WDFY4: variants seen among roughly 807,000 people sequenced by gnomAD.
The protein encoded by WDFY4 is WD repeat- and FYVE domain-containing protein 4.
In WDFY4, 169 loss-of-function variants were observed where a neutral mutation model predicts 351.9. That is an observed-to-expected ratio of 0.48 (90% CI 0.42 to 0.55). The LOEUF is 0.55. Ranked by LOEUF, WDFY4 falls within the 20% of genes least tolerant of loss-of-function variation. WDFY4 has a pLI of 0.00. For missense variants in WDFY4, 3,803 were observed against 3,935.6 expected (o/e 0.97, Z 0.90); for synonymous variants, 1,622 against 1,574.6 (o/e 1.03, Z -0.71).
At chr10:48,908,472 G>A (rs1452595702) in intron 47 of WDFY4, among the ~76,000 whole-genome samples, 1 of 152,224 alleles carries the variant, frequency 6.6e-6, no homozygotes, top group Non-Finnish European at 1.5e-5. Flanking sequence ...CTGAGCCGAG[G>A]TTAAGGTGCC....
At chr10:48,841,618 T>C in intron 39 of WDFY4, among the ~76,000 whole-genome samples, 1 of 152,206 alleles carries the variant, frequency 6.6e-6, no homozygotes, top group Admixed American at 6.5e-5. Flanking sequence ...CAGCCATCCT[T>C]AGTTGTAAGC....
intron 39 of WDFY4, among the ~76,000 whole-genome samples, chr10:48,855,360 T>A (rs1016651132): frequency 5.3e-5 from 8 of 152,132 alleles, no homozygotes; most frequent in African/African-American, 1.9e-4. Flanking sequence ...TAGTATCTAA[T>A]ATCATAAATT....
At chr10:48,977,662 T>C (rs1435544090) in intron 59 of WDFY4, among the ~76,000 whole-genome samples, 1 of 152,168 alleles carries the variant, frequency 6.6e-6, no homozygotes, top group African/African-American at 2.4e-5. Flanking sequence ...AGTATATTAC[T>C]CTCCTGGGCC....
chr10:48,849,507 C>T (rs1053578142), intron 39 of WDFY4, among the ~76,000 whole-genome samples: 5 of 152,190 alleles, frequency 3.3e-5, no homozygotes, highest in African/African-American at 1.2e-4. Flanking sequence ...TTTAATACAA[C>T]GAGCTGTTGA....
Position 48,873,617 on chromosome 10 carries a change from T to C in WDFY4, c.6868T>C (p.Trp2290Arg), listed in dbSNP as rs771218683. Residue 2290 changes from tryptophan (W) to arginine (R), a missense_variant, in exon 41 of 62, where the codon TGG (tryptophan) becomes CGG (arginine). This residue lies in a region of WDFY4 where 3,054 missense variants were observed against 3,148.6 expected (regional missense o/e 0.97). Coordinates refer to ENST00000325239, the MANE Select transcript of WDFY4 (RefSeq NM_001394531.1). ...GCCCTGTTCCCCATGGGAACTCGAC[T>C]GGAGAGAAGGACCAGCTCGAATGAG... The part of the protein sequence containing the change: ...TKPCSPWELD[W>R]REGPARMRKR... 17 of 1,551,792 alleles carry C rather than the reference T, an allele frequency of 1.1e-5. No homozygotes were observed. Among genetic ancestry groups the C allele is most frequent in the Non-Finnish European group, 1.4e-5 (16 of 1,146,996 alleles).
chr10:48,872,140 G>A (rs1400187059), intron 40 of WDFY4, among the ~76,000 whole-genome samples: 6 of 152,164 alleles, frequency 3.9e-5, no homozygotes, highest in African/African-American at 1.4e-4. Flanking sequence ...CCACCCCAAA[G>A]CCATGCTTTC....
intron 39 of WDFY4, among the ~76,000 whole-genome samples, chr10:48,846,216 G>A (rs1467682867): frequency 6.6e-6 from 1 of 152,146 alleles, no homozygotes; most frequent in Non-Finnish European, 1.5e-5. Flanking sequence ...TTCCCACATG[G>A]CATCTTTGCT....
At chr10:48,956,669 G>A (rs2075497465) in intron 51 of WDFY4, among the ~76,000 whole-genome samples, 1 of 152,070 alleles carries the variant, frequency 6.6e-6, no homozygotes, top group Non-Finnish European at 1.5e-5. Flanking sequence ...CACATAGAAG[G>A]TTCACCCACT....
chr10:48,904,736 A>T (rs1837529828), intron 47 of WDFY4, among the ~76,000 whole-genome samples: 1 of 152,192 alleles, frequency 6.6e-6, no homozygotes, highest in South Asian at 2.1e-4. Flanking sequence ...CATTTTCCCC[A>T]GTTAGGTTAA....
At chr10:48,771,961 A>C (rs2065878688) in intron 13 of WDFY4, among the ~76,000 whole-genome samples, 1 of 152,228 alleles carries the variant, frequency 6.6e-6, no homozygotes, top group Non-Finnish European at 1.5e-5. Context: ...GAGATTATTC[A>C]GGTAGTGCAT....
At chr10:48,823,897 C>A in intron 35 of WDFY4, 2 of 985,784 alleles carry the variant, frequency 2.0e-6, no homozygotes, top group Non-Finnish European at 2.4e-6. Context: ...AGAAATGAAT[C>A]CCAAACCCCA....
chr10:48,974,532 A>AAAAAAAAAAAAAAAT (rs1842479595), intron 57 of WDFY4, among the ~76,000 whole-genome samples: 1 of 36,588 alleles, frequency 2.7e-5, no homozygotes, highest in Non-Finnish European at 1.3e-4. Flanking sequence ...AAAAAAAACA[A>AAAAAAAAAAAAAAAT]CTCATGACAT....
chr10:48,749,105 G>A (rs771674761), intron 12 of WDFY4, among the ~76,000 whole-genome samples: 2 of 152,174 alleles, frequency 1.3e-5, no homozygotes, highest in Non-Finnish European at 2.9e-5. Flanking sequence ...GCATGTGTGC[G>A]CCAGACACCA....
chr10:48,941,175 G>C (rs1000864461), intron 47 of WDFY4, among the ~76,000 whole-genome samples: 2 of 152,166 alleles, frequency 1.3e-5, no homozygotes, highest in Non-Finnish European at 2.9e-5. Context: ...AGATGAATGC[G>C]AAAGGGCAGT....
At chr10:48,902,998 T>C (rs563876378) in intron 47 of WDFY4, among the ~76,000 whole-genome samples, 14 of 152,092 alleles carry the variant, frequency 9.2e-5, no homozygotes, top group African/African-American at 3.4e-4. Context: ...TAATCCCAGC[T>C]ACTTGGGAGG....
At chr10:48,902,909 A>C (rs934868788) in intron 47 of WDFY4, among the ~76,000 whole-genome samples, 10 of 152,100 alleles carry the variant, frequency 6.6e-5, no homozygotes, top group African/African-American at 2.2e-4. Context: ...CAGGAGTTCA[A>C]GACCAGCCTG....
intron 52 of WDFY4, among the ~76,000 whole-genome samples, chr10:48,957,696 C>T (rs75837121): frequency 0.04 from 6,118 of 152,286 alleles, 393 homozygotes; most frequent in African/African-American, 0.14. Flanking sequence ...AAGGGCAGGA[C>T]CCAGAGATGC....
chr10:48,786,864 G>A lies in WDFY4; in HGVS notation c.3802G>A (p.Val1268Ile). The change falls in exon 20 of 62, where the codon GTC (valine) becomes ATC (isoleucine). Residue 1268 changes from valine to isoleucine, a missense_variant. Around this residue, in one of 3 missense-constraint regions of WDFY4, gnomAD observed 3,054 missense variants for 3,148.6 expected, o/e 0.97. Coordinates refer to ENST00000325239, the MANE Select transcript of WDFY4 (RefSeq NM_001394531.1). ...RYCGNFQAVH[V>I]QGEDLDSEAT... is the part of the protein sequence containing the mutation. ...TTGTGGTAACTTCCAAGCTGTGCAT[G>A]TCCAAGGTATGGAGTGTTTTGATTT... is the stretch of plus-strand genomic sequence containing the variant. 3 of 1,551,684 alleles carry A rather than the reference G, an allele frequency of 1.9e-6. No individual in the cohort carries two copies. Among genetic ancestry groups the A allele is most frequent in the South Asian group, 2.4e-5 (2 of 84,052 alleles).
At chr10:48,794,614 G>C (rs1033537536) in intron 23 of WDFY4, among the ~76,000 whole-genome samples, 26 of 152,206 alleles carry the variant, frequency 1.7e-4, no homozygotes, top group Middle Eastern at 6.3e-3. Context: ...TAACCACATG[G>C]AGCTGGGAAT....
Sources: allele counts gnomAD v4.1 joint callset (sites outside exome capture counted in the v4.1 genomes callset), GRCh38; gene constraint gnomAD v4.1.1; regional missense constraint gnomAD v4.1.1; transcripts MANE v1.5; gene names NCBI Gene and HGNC (gene_info 2026-07-23, HGNC 2026-07-21).